Variants in IDO2 observed in about 807,000 individuals in gnomAD.
IDO2 encodes the protein indoleamine 2,3-dioxygenase 2.
Under a neutral mutation model 45.1 loss-of-function variants are expected in IDO2, and 46 were observed. The observed-to-expected ratio is 1.02, with a 90% confidence interval of 0.80 to 1.30. The LOEUF (loss-of-function observed/expected upper bound fraction) is 1.30, where lower values mean the gene tolerates loss of function less well. IDO2 is among the 50% of genes most tolerant of loss of function. The probability of loss-of-function intolerance (pLI) is 0.00; values close to 1 mark genes in which losing one functional copy is unlikely to be tolerated. For missense variants in IDO2, 544 were observed against 491.8 expected (o/e 1.11, Z -1.00); for synonymous variants, 218 against 184.9 (o/e 1.18, Z -1.45).
At position 39,990,617 on chromosome 8, in the gene IDO2, T is replaced by C. The variant is rs775189655; in HGVS notation, c.667+779T>C. Among the ~76,000 whole-genome samples the C allele has an allele frequency of 4.6e-5, 7 of 152,338 alleles. No homozygotes were observed. The South Asian group carries it at 1.0e-3, about 23-fold the overall frequency. On this transcript the variant is annotated intron_variant, in intron 8 of 10. Coordinates refer to ENST00000502986, the Ensembl canonical transcript of IDO2. ...TTTTTATTGATGCTCATAGCCAAGG[T>C]TAATGATCTCAAAACAGTTACATAA...
chr8:39,977,686 C>G (rs1282838233), intron 3 of IDO2, among the ~76,000 whole-genome samples: 2 of 151,406 alleles, frequency 1.3e-5, no homozygotes, highest in Non-Finnish European at 2.9e-5. Context: ...GTTTCTAAAA[C>G]AAAACAAAAC....
At chr8:40,006,643 ATTATTTTATT>A (rs138004689) in intron 9 of IDO2, among the ~76,000 whole-genome samples, 31 of 146,832 alleles carry the variant, frequency 2.1e-4, no homozygotes, top group East Asian at 4.0e-4. Flanking sequence ...GAACTCTACT[ATTATTTTATT>A]TTATTTTATT....
At chr8:39,945,808 C>A (rs1807719535) in intron 1 of IDO2, among the ~76,000 whole-genome samples, 1 of 152,164 alleles carries the variant, frequency 6.6e-6, no homozygotes. Context: ...ACCGCCTTTG[C>A]AAAATTATGA....
At chr8:39,987,766 A>G in intron 6 of IDO2, 105 bp from the exon 7 acceptor site, 2 of 660,250 alleles carry the variant, frequency 3.0e-6, no homozygotes, top group South Asian at 1.9e-5. Context: ...AAAGTTGTGC[A>G]GTGATTCCAC....
At chr8:39,975,462 A>G (rs1169396653) in intron 3 of IDO2, among the ~76,000 whole-genome samples, 1 of 152,172 alleles carries the variant, frequency 6.6e-6, no homozygotes, top group Non-Finnish European at 1.5e-5. Context: ...ACAACCAAAT[A>G]AAAAACAATG....
At chr8:39,946,551 G>A (rs1807734222) in intron 1 of IDO2, among the ~76,000 whole-genome samples, 1 of 152,154 alleles carries the variant, frequency 6.6e-6, no homozygotes, top group African/African-American at 2.4e-5. Flanking sequence ...AGGTTACAGT[G>A]AGCCGAGATC....
intron 9 of IDO2, among the ~76,000 whole-genome samples, chr8:40,012,273 T>C (rs1322248411): frequency 4.6e-5 from 7 of 152,220 alleles, no homozygotes; most frequent in Admixed American, 4.6e-4. Context: ...GTAGCTTGTT[T>C]CTGGCTATAG....
chr8:40,015,852 G>C (rs748575395), exon 11 of IDO2: 2 of 444,372 alleles, frequency 4.5e-6, no homozygotes, highest in Non-Finnish European at 7.9e-6. Flanking sequence ...TCCTCATGCA[G>C]AACCCCCAGA....
intron 3 of IDO2, 92 bp from the exon 4 acceptor site, chr8:39,978,975 G>C: frequency 8.1e-7 from 1 of 1,233,522 alleles, no homozygotes; most frequent in Non-Finnish European, 1.2e-6. Context: ...TCCACCCAAA[G>C]GTCCCTTCAC....
intron 2 of IDO2, among the ~76,000 whole-genome samples, chr8:39,957,790 T>C (rs1028349074): frequency 6.6e-6 from 1 of 152,248 alleles, no homozygotes; most frequent in Non-Finnish European, 1.5e-5. Context: ...TTTGATTTCA[T>C]TTAAAATCAT....
chr8:39,956,322 A>T (rs2729485), intron 2 of IDO2, among the ~76,000 whole-genome samples: 3,822 of 152,140 alleles, frequency 0.025, 151 homozygotes, highest in African/African-American at 0.086. Flanking sequence ...TTGGCCTCCC[A>T]AAGTGCTGGG....
chr8:40,013,999 C>T (rs1802349251), intron 10 of IDO2, among the ~76,000 whole-genome samples: 1 of 152,066 alleles, frequency 6.6e-6, no homozygotes, highest in South Asian at 2.1e-4. Flanking sequence ...ACACTAGCTT[C>T]CTTTTTCTGA....
At chr8:39,971,120 C>T (rs1198372849) in intron 3 of IDO2, among the ~76,000 whole-genome samples, 2 of 152,168 alleles carry the variant, frequency 1.3e-5, no homozygotes, top group Non-Finnish European at 2.9e-5. Context: ...CAGGCTGACT[C>T]TCTTGTTAGG....
At position 39,982,647 on chromosome 8, in the gene IDO2, G is replaced by C; in HGVS notation, c.316-5G>C. On this transcript the variant is annotated splice_region_variant and splice_polypyrimidine_tract_variant and intron_variant, in intron 4 of 10. Coordinates refer to ENST00000502986, the Ensembl canonical transcript of IDO2. ...ATGCTATTTGTCTGGATTTATATCT[G>C]AAAGGTCCTGCCAAGGAATCTTGCC... 1.3e-6 allele frequency: 2 copies of C among 1,579,492 alleles called. No individual in the cohort carries two copies. The highest frequency in any genetic ancestry group is 1.7e-6 in the Non-Finnish European group (2 of 1,154,106).
chr8:39,948,459 C>T (rs1807770454), intron 1 of IDO2, among the ~76,000 whole-genome samples: 1 of 152,152 alleles, frequency 6.6e-6, no homozygotes, highest in African/African-American at 2.4e-5. Context: ...AGACTCAAGC[C>T]CCTTCAACAG....
At chr8:39,964,447 A>T (rs536506564) in intron 3 of IDO2, among the ~76,000 whole-genome samples, 26 of 152,318 alleles carry the variant, frequency 1.7e-4, no homozygotes, top group Admixed American at 1.1e-3. Context: ...GTATACATTC[A>T]TTACTTCTCT....
At chr8:40,007,356 G>A (rs1044858455) in intron 9 of IDO2, among the ~76,000 whole-genome samples, 2 of 152,022 alleles carry the variant, frequency 1.3e-5, no homozygotes, top group Non-Finnish European at 2.9e-5. Flanking sequence ...TTCAAACAGA[G>A]TCCAGCCTGG....
At chr8:40,008,052 T>G (rs1802248974) in intron 9 of IDO2, among the ~76,000 whole-genome samples, 2 of 150,490 alleles carry the variant, frequency 1.3e-5, no homozygotes, top group Non-Finnish European at 3.0e-5. Context: ...GCACTTTTTT[T>G]TTTTTTTTTT....
chr8:39,985,619 A>G (rs1808411318), intron 6 of IDO2, 97 bp downstream of exon 6: 3 of 994,790 alleles, frequency 3.0e-6, no homozygotes, highest in African/African-American at 1.6e-5. Flanking sequence ...TTATATGTAT[A>G]ATATAATATC....
Sources: allele counts gnomAD v4.1 joint callset (sites outside exome capture counted in the v4.1 genomes callset), GRCh38; gene constraint gnomAD v4.1.1; transcripts MANE v1.5; gene names NCBI Gene and HGNC (gene_info 2026-07-23, HGNC 2026-07-21).